SPANXN4: variants seen among roughly 807,000 people sequenced by gnomAD.
SPANXN4 encodes sperm protein associated with the nucleus on the X chromosome N4.
SPANXN4 carries 5 observed loss-of-function variants against 6.0 expected under a neutral mutation model. The ratio of observed to expected loss-of-function variants is 0.83; its 90% CI spans 0.44 to 1.75. The LOEUF (loss-of-function observed/expected upper bound fraction) is 1.75, where lower values mean the gene tolerates loss of function less well. Among genes scored for constraint, SPANXN4 ranks in the 40% most tolerant of loss-of-function variants. The pLI is 0.02. For synonymous variants in SPANXN4, 45 were observed against 38.0 expected (o/e 1.19, Z -0.68); for missense variants, 157 against 108.6 (o/e 1.45, Z -1.98).
At chrX:143,037,849 G>A (rs1356050256), downstream of SPANXN4, among the ~76,000 whole-genome samples, 1 of 110,908 alleles carries the variant, frequency 9.0e-6, no homozygotes, top group East Asian at 2.8e-4. Context: ...TTGTGAAGAA[G>A]GTGCCTTGCT....
chrX:143,028,738 A>T (rs987929176), intron 1 of SPANXN4, among the ~76,000 whole-genome samples: 1 of 110,798 alleles, frequency 9.0e-6, no homozygotes, highest in Non-Finnish European at 1.9e-5. Flanking sequence ...ATGTGGGTGA[A>T]GCTGATTTGT....
At chrX:143,026,346 G>C (rs191715929) in intron 1 of SPANXN4, among the ~76,000 whole-genome samples, 2 of 111,408 alleles carry the variant, frequency 1.8e-5, no homozygotes, top group East Asian at 5.7e-4. Context: ...CCCTTTTTCT[G>C]GTGGGATGTC....
At position 143,034,288 on chromosome X, in the gene SPANXN4, A is replaced by G. The variant is rs781410886; in HGVS notation, c.283+56A>G. On this transcript the variant is annotated intron_variant, in intron 2 of 2. Transcript: ENST00000370504. ...CATCACCACTGATGGCGATGATTACAATAAAATCAGTTTGAGGAGCTGATG... is the reference window on the plus strand; with the variant it reads ...CATCACCACTGATGGCGATGATTACGATAAAATCAGTTTGAGGAGCTGATG... 6 of 1,114,493 alleles carry G rather than the reference A, an allele frequency of 5.4e-6. No individual in the cohort carries two copies. The East Asian group carries it at 9.9e-5, about 18-fold the overall frequency. 91.8% of individuals were successfully genotyped at this position (1,114,493 alleles called of 1,213,427 possible).
chrX:143,033,325 G>T (rs964566174), intron 1 of SPANXN4, among the ~76,000 whole-genome samples: 10 of 111,533 alleles, frequency 9.0e-5, no homozygotes, highest in Non-Finnish European at 1.7e-4. Flanking sequence ...GCTGCTTGCT[G>T]CCTTCCAGGA....
chrX:143,034,278 C>T (rs752707181), intron 2 of SPANXN4: 12 of 1,109,999 alleles, frequency 1.1e-5, no homozygotes, highest in African/African-American at 5.6e-5. Context: ...CCACTGATGG[C>T]GATGATTACA....
intron 1 of SPANXN4, among the ~76,000 whole-genome samples, chrX:143,027,257 G>T (rs1450964864): frequency 8.9e-6 from 1 of 112,213 alleles, no homozygotes; most frequent in Non-Finnish European, 1.9e-5. Context: ...AAATGCTGGT[G>T]GGGGAGGAGT....
At chrX:143,034,798 G>T, downstream of SPANXN4, 2 of 1,003,484 alleles carry the variant, frequency 2.0e-6, no homozygotes, top group Non-Finnish European at 2.5e-6. Flanking sequence ...CAATACTAGG[G>T]CGCTTGTTAA....
intron 1 of SPANXN4, among the ~76,000 whole-genome samples, chrX:143,028,494 T>C (rs1932790662): frequency 9.0e-6 from 1 of 111,144 alleles, no homozygotes; most frequent in South Asian, 3.8e-4. Context: ...GTAAGGAATA[T>C]GGAAGGCCCA....
Position 143,030,595 on chromosome X carries a change from C to CA in SPANXN4, c.79-3420dup, listed in dbSNP as rs61606384. Among the ~76,000 whole-genome samples, 362 of 98,158 alleles carry CA rather than the reference C, an allele frequency of 3.7e-3. 2 individuals carry two copies. Among genetic ancestry groups the CA allele is most frequent in the African/African-American group, 0.011 (298 of 26,648 alleles). The allele number at this position is 98,158 out of a possible 115,157, so 85.2% of individuals were successfully genotyped here. On this transcript the variant is annotated intron_variant, in intron 1 of 2. Coordinates refer to ENST00000370504, the Ensembl canonical transcript of SPANXN4. ...GTATTAGGATTTGACTACATGAAAG[C>CA]AAAAAAAAAAAAACTTTGGGAAGCC...
At chrX:143,026,899 G>A (rs149902120) in intron 1 of SPANXN4, among the ~76,000 whole-genome samples, 390 of 112,230 alleles carry the variant, frequency 3.5e-3, no homozygotes, top group African/African-American at 0.012. Context: ...GAGATGTTTA[G>A]TTCTGCTAAC....
chrX:143,027,735 C>T (rs933595089), intron 1 of SPANXN4, among the ~76,000 whole-genome samples: 4 of 108,351 alleles, frequency 3.7e-5, no homozygotes, highest in Admixed American at 9.9e-5. Context: ...GGAAGAAAGA[C>T]GGGAGGGAGT....
In SPANXN4 at chrX:143,031,106, G is replaced by T. The variant is rs192096970; in HGVS notation, c.79-2922G>T. Among the ~76,000 whole-genome samples the T allele has an allele frequency of 6.0e-4, 66 of 110,739 alleles. No individual in the cohort carries two copies. In the South Asian group the frequency reaches 0.012, roughly 20 times the overall value. ...AAATAAAAGTAGAATTGTAGGAGCC[G>T]CATTGCATGGAGTTCTGGAATTTAC... is the stretch of plus-strand genomic sequence containing the variant. On this transcript the variant is annotated intron_variant, in intron 1 of 2. Transcript: ENST00000370504.
chrX:143,026,207 G>A (rs1932777215), intron 1 of SPANXN4, 115 bp downstream of exon 1: 5 of 628,190 alleles, frequency 8.0e-6, no homozygotes, highest in Middle Eastern at 5.1e-4. Context: ...TGTGGGGCCA[G>A]CTTCATGCCA....
Position 143,034,022 on chromosome X carries a change from C to A in SPANXN4, c.79-6C>A, listed in dbSNP as rs1476981519. On this transcript the variant is annotated splice_region_variant and splice_polypyrimidine_tract_variant and intron_variant, in intron 1 of 2. Coordinates refer to ENST00000370504, the Ensembl canonical transcript of SPANXN4. Reference sequence around the variant, plus strand: ...TTCTGGCCTCTCCCTGTTTTTTTACCAGAAGAAGAAGAATCTGCACAGAGC... The same window carrying A: ...TTCTGGCCTCTCCCTGTTTTTTTACAAGAAGAAGAAGAATCTGCACAGAGC... 1 of 1,160,950 alleles carries A rather than the reference C, an allele frequency of 8.6e-7. No homozygotes were observed. The highest frequency in any genetic ancestry group is 2.7e-5 in the Admixed American group (1 of 37,117).
intron 1 of SPANXN4, among the ~76,000 whole-genome samples, chrX:143,030,143 G>T (rs1179598852): frequency 6.4e-5 from 7 of 109,958 alleles, no homozygotes; most frequent in African/African-American, 2.3e-4. Flanking sequence ...AAAGCAGCTT[G>T]GCCAGCAAGT....
downstream of SPANXN4, among the ~76,000 whole-genome samples, chrX:143,035,519 T>G (rs1172752389): frequency 1.8e-5 from 2 of 110,804 alleles, no homozygotes; most frequent in Non-Finnish European, 3.8e-5. Context: ...TGTACCCACC[T>G]TCTGGTCCAT....
intron 1 of SPANXN4, among the ~76,000 whole-genome samples, chrX:143,032,552 T>G (rs1932816711): frequency 9.1e-6 from 1 of 110,020 alleles, no homozygotes; most frequent in Admixed American, 9.7e-5. Flanking sequence ...TTTTGCGGGT[T>G]TTTCATTGAG....
At chrX:143,036,396 T>A (rs1009721612), downstream of SPANXN4, among the ~76,000 whole-genome samples, 3 of 111,402 alleles carry the variant, frequency 2.7e-5, no homozygotes, top group Non-Finnish European at 5.7e-5. Flanking sequence ...TCTTTTCCTT[T>A]AGTTCACCAA....
intron 1 of SPANXN4, among the ~76,000 whole-genome samples, chrX:143,026,760 G>A (rs934695428): frequency 9.0e-5 from 10 of 110,766 alleles, no homozygotes; most frequent in Non-Finnish European, 1.9e-4. Context: ...CTGGACAGGG[G>A]AGTTTAGCTT....
Sources: allele counts gnomAD v4.1 joint callset (sites outside exome capture counted in the v4.1 genomes callset), GRCh38; gene constraint gnomAD v4.1.1; transcripts MANE v1.5; gene names NCBI Gene and HGNC (gene_info 2026-07-23, HGNC 2026-07-21).